KRT86: variants seen among roughly 807,000 people sequenced by gnomAD.
KRT86 encodes the protein keratin, type II cuticular Hb6.
In KRT86, 30 loss-of-function variants were observed where a neutral mutation model predicts 41.2. That is an observed-to-expected ratio of 0.73 (90% confidence interval 0.54 to 0.99). The LOEUF is 0.99. KRT86 is among the 50% of genes least tolerant of loss of function. KRT86 has a pLI of 0.00. For synonymous variants in KRT86, 238 were observed against 238.1 expected (o/e 1.00, Z 0.00); for missense variants, 561 against 571.4 (o/e 0.98, Z 0.19).
chr12:52,305,532 G>T, intron 7 of KRT86, 128 bp downstream of exon 7: 1 of 1,598,728 alleles, frequency 6.3e-7, no homozygotes, highest in Non-Finnish European at 8.5e-7. Context: ...TCTGATGTTG[G>T]GGTGGTAGGG....
At chr12:52,300,279 A>G (rs940767818) in intron 2 of KRT86, among the ~76,000 whole-genome samples, 2 of 152,172 alleles carry the variant, frequency 1.3e-5, no homozygotes, top group African/African-American at 2.4e-5. Context: ...GCAATCTGCT[A>G]TTTTCTGGTC....
At chr12:52,274,802 C>G (rs962837194) in intron 1 of KRT86, 80 bp downstream of exon 1, 1 of 909,814 alleles carries the variant, frequency 1.1e-6, no homozygotes. Context: ...GGGCATACAG[C>G]TTTTGGGAAC....
chr12:52,276,394 C>T (rs147591014), intron 2 of KRT86, among the ~76,000 whole-genome samples: 1,757 of 152,232 alleles, frequency 0.012, 31 homozygotes, highest in African/African-American at 0.04. Flanking sequence ...GGAGAGAGGC[C>T]TCTATCATCT....
intron 2 of KRT86, chr12:52,286,008 C>G: frequency 1.8e-6 from 1 of 557,634 alleles, no homozygotes. Flanking sequence ...TGGTCCTGGC[C>G]CTTCCTGCTC....
intron 2 of KRT86, among the ~76,000 whole-genome samples, chr12:52,294,080 G>A (rs150291591): frequency 6.6e-6 from 1 of 152,298 alleles, no homozygotes; most frequent in Non-Finnish European, 1.5e-5. Context: ...GAAGAGTATG[G>A]CACCTGCTGT....
intron 7 of KRT86, 61 bp from the exon 8 acceptor site, chr12:52,305,602 C>A (rs1168935921): frequency 6.2e-7 from 1 of 1,613,616 alleles, no homozygotes; most frequent in South Asian, 1.1e-5. Context: ...AATCATCTGT[C>A]ATGCCCTGAA....
chr12:52,301,601 G>C (rs952100104), intron 2 of KRT86, among the ~76,000 whole-genome samples: 4 of 152,172 alleles, frequency 2.6e-5, no homozygotes, highest in African/African-American at 9.7e-5. Flanking sequence ...TTCCTCAACT[G>C]TGTATTGGGA....
chr12:52,291,586 G>A (rs1938127823), intron 2 of KRT86: 3 of 1,462,622 alleles, frequency 2.1e-6, no homozygotes, highest in African/African-American at 2.8e-5. Context: ...GAAGGGGCTT[G>A]GCTGTGAAGA....
At chr12:52,291,652 C>T (rs1859318909) in intron 2 of KRT86, 2 of 780,032 alleles carry the variant, frequency 2.6e-6, no homozygotes, top group South Asian at 3.6e-5. Context: ...GGTCTAACGC[C>T]TCTCCAGAAT....
chr12:52,300,182 T>C (rs548110967), intron 2 of KRT86, among the ~76,000 whole-genome samples: 2 of 152,368 alleles, frequency 1.3e-5, no homozygotes, highest in African/African-American at 4.8e-5. Flanking sequence ...TAATTTTACA[T>C]GGTGACTGAG....
chr12:52,291,524 A>G, intron 2 of KRT86: 8 of 1,602,520 alleles, frequency 5.0e-6, no homozygotes, highest in Non-Finnish European at 6.0e-6. Context: ...GTCCTGATGG[A>G]AACTCCAATG....
In KRT86 at chr12:52,279,806, T is replaced by C. The variant is rs940630607; in HGVS notation, c.-5+3860T>C. Among the ~76,000 whole-genome samples the C allele has an allele frequency of 1.1e-4, 17 of 152,198 alleles. 3 individuals carry two copies. Among genetic ancestry groups the C allele is most frequent in the East Asian group, 9.6e-4 (5 of 5,190 alleles). The stretch of plus-strand genomic sequence containing the variant: ...AGTCTAGCCTGGGGCCCATAGCTTC[T>C]GGGCAGCAGAGCTGAGAATTCCATT... On this transcript the variant is annotated intron_variant, in intron 2 of 10. Coordinates refer to ENST00000423955, the MANE Select transcript of KRT86 (RefSeq NM_001320198.2).
Position 52,308,561 on chromosome 12 carries a change from C to G in KRT86, c.1437C>G (p.Cys479Trp). ...ACAPSARVGVCGGSCKRC is the reference protein window; with the variant it reads ...ACAPSARVGVWGGSCKRC ...CCCCCTCCGCCCGGGTTGGCGTCTG[C>G]GGCGGCAGCTGTAAGAGGTGCTAGG... Residue 479 changes from cysteine to tryptophan, a missense_variant, in exon 11 of 11, where the codon TGC (cysteine) becomes TGG (tryptophan). Physicochemically the swap from Cys to Trp is radical, Grantham distance 215. Coordinates refer to ENST00000423955, the MANE Select transcript of KRT86 (RefSeq NM_001320198.2). 1 of 1,599,280 alleles carries G rather than the reference C, an allele frequency of 6.3e-7. No individual in the cohort carries two copies. Among genetic ancestry groups the G allele is most frequent in the Non-Finnish European group, 8.5e-7 (1 of 1,179,746 alleles).
Position 52,308,783 on chromosome 12 carries a change from T to C in KRT86, c.*198T>C. 1 of 598,220 alleles carries C rather than the reference T, an allele frequency of 1.7e-6. No homozygotes were observed. The highest frequency in any genetic ancestry group is 2.0e-5 in the South Asian group (1 of 50,280). 37.1% of individuals were successfully genotyped at this position (598,220 alleles called of 1,614,324 possible). ...CGGGGAGGGCCGGGAGGCGCCATGG[T>C]CTCTCTCTGTAGCCTTTCCTGGTAG... On this transcript the variant is annotated 3_prime_UTR_variant, in exon 11 of 11. Coordinates refer to ENST00000423955, the MANE Select transcript of KRT86 (RefSeq NM_001320198.2).
chr12:52,277,219 C>T (rs1565734493), intron 2 of KRT86, among the ~76,000 whole-genome samples: 1 of 152,058 alleles, frequency 6.6e-6, no homozygotes, highest in Non-Finnish European at 1.5e-5. Context: ...GATCCTGGCT[C>T]ATATTAGGAG....
intron 2 of KRT86, among the ~76,000 whole-genome samples, chr12:52,277,005 G>T (rs941098319): frequency 1.4e-4 from 21 of 152,172 alleles, no homozygotes; most frequent in Non-Finnish European, 2.5e-4. Flanking sequence ...GAGTGAGTGG[G>T]TGGGCCATCA....
At chr12:52,286,117 A>G in intron 2 of KRT86, 1 of 760,364 alleles carries the variant, frequency 1.3e-6, no homozygotes, top group Non-Finnish European at 2.2e-6. Context: ...ACACAGAGAA[A>G]TGTGAGGCCA....
In KRT86 at chr12:52,305,039, G is replaced by C; in HGVS notation, c.735+12G>C. 6.2e-7 allele frequency: 1 copy of C among 1,613,708 alleles called. No individual in the cohort carries two copies. The highest frequency in any genetic ancestry group is 1.1e-5 in the South Asian group (1 of 91,058). On this transcript the variant is annotated intron_variant, in intron 6 of 10. Transcript: ENST00000423955. ...GGCTGTATGAGGAGGTGCGGGCTCAGGGGCCAGGCAGAGACCTGGCAGCCA... is the reference window on the plus strand; with the variant it reads ...GGCTGTATGAGGAGGTGCGGGCTCACGGGCCAGGCAGAGACCTGGCAGCCA...
chr12:52,291,676 G>T, intron 2 of KRT86: 1 of 672,766 alleles, frequency 1.5e-6, no homozygotes, highest in Non-Finnish European at 2.5e-6. Flanking sequence ...CTTTAATGGG[G>T]GAGTGGCCTG....
Sources: allele counts gnomAD v4.1 joint callset (sites outside exome capture counted in the v4.1 genomes callset), GRCh38; gene constraint gnomAD v4.1.1; transcripts MANE v1.5; gene names NCBI Gene and HGNC (gene_info 2026-07-23, HGNC 2026-07-21).